The following CDH2 variants were observed in gnomAD, a reference collection of about 807,000 sequenced individuals.
CDH2 encodes the protein cadherin 2.
In CDH2, 17 loss-of-function variants were observed where a neutral mutation model predicts 92.0. That is an observed-to-expected ratio of 0.18 (90% confidence interval 0.13 to 0.28). The LOEUF is 0.28. Among genes scored for constraint, CDH2 ranks in the 10% least tolerant of loss-of-function variants. CDH2 has a pLI of 1.00. For synonymous variants in CDH2, 419 were observed against 415.9 expected (o/e 1.01, Z -0.09); for missense variants, 862 against 1,133.1 (o/e 0.76, Z 3.44).
chr18:28,034,633 TC>T (rs944326430), intron 2 of CDH2, among the ~76,000 whole-genome samples: 6 of 152,084 alleles, frequency 3.9e-5, no homozygotes, highest in Non-Finnish European at 7.4e-5. Context: ...TAGGTGTTTT[TC>T]TTTTGCTAAA....
At chr18:28,046,012 C>T (rs2014067834) in intron 2 of CDH2, among the ~76,000 whole-genome samples, 1 of 152,130 alleles carries the variant, frequency 6.6e-6, no homozygotes, top group Non-Finnish European at 1.5e-5. Flanking sequence ...ATTAAGAAAA[C>T]ACTCCATCAG....
At chr18:28,166,779 T>C (rs1405561313) in intron 1 of CDH2, among the ~76,000 whole-genome samples, 1 of 152,144 alleles carries the variant, frequency 6.6e-6, no homozygotes, top group African/African-American at 2.4e-5. Flanking sequence ...GGCAATTACC[T>C]ATGGAATTTG....
chr18:27,945,639 T>G (rs1000875009), intron 6 of CDH2, among the ~76,000 whole-genome samples: 1 of 152,152 alleles, frequency 6.6e-6, no homozygotes, highest in Non-Finnish European at 1.5e-5. Context: ...TGTCTCTTCT[T>G]TTTAATACCA....
intron 14 of CDH2, among the ~76,000 whole-genome samples, chr18:27,980,794 CAAAA>C (rs777659826): frequency 8.0e-5 from 6 of 75,012 alleles, no homozygotes; most frequent in Non-Finnish European, 1.5e-4. Context: ...TGGCTGGGGT[CAAAA>C]AAAAAAAAAA....
intron 2 of CDH2, among the ~76,000 whole-genome samples, chr18:28,110,319 T>G (rs1443387198): frequency 6.6e-6 from 1 of 152,206 alleles, no homozygotes; most frequent in Non-Finnish European, 1.5e-5. Context: ...ATAAATTATT[T>G]CTTGAGAATG....
chr18:28,157,041 C>T (rs1357848437), intron 1 of CDH2, among the ~76,000 whole-genome samples: 4 of 152,170 alleles, frequency 2.6e-5, no homozygotes, highest in Non-Finnish European at 5.9e-5. Context: ...CTTAATGTAA[C>T]AGGTAGTAAC....
In CDH2 at chr18:28,177,120, G is replaced by A. The variant is rs1027078058; in HGVS notation, c.-98C>T. 21 of 862,348 alleles carry A rather than the reference G, an allele frequency of 2.4e-5. No individual in the cohort carries two copies. The Admixed American group carries it at 3.5e-4, about 14-fold the overall frequency. 53.4% of individuals were successfully genotyped at this position (862,348 alleles called of 1,614,324 possible). A position where few individuals can be genotyped will look rare whatever the true frequency, so the allele number is the denominator to read the frequency against. ...GCAGCGGCAGCACCAACAGCGGCGC[G>A]GAGAAACGGCTCCAGGCAGTTTCCA... is the stretch of plus-strand genomic sequence containing the variant. On this transcript the variant is annotated 5_prime_UTR_variant, in exon 1 of 16. Coordinates refer to ENST00000269141, the MANE Select transcript of CDH2 (RefSeq NM_001792.5).
intron 2 of CDH2, among the ~76,000 whole-genome samples, chr18:28,042,299 A>G (rs1227133132): frequency 3.3e-5 from 5 of 152,206 alleles, no homozygotes; most frequent in Non-Finnish European, 7.3e-5. Flanking sequence ...TTACTTTAGT[A>G]GCATTCCAGT....
chr18:28,137,034 G>C (rs2015874663), intron 2 of CDH2, among the ~76,000 whole-genome samples: 1 of 151,584 alleles, frequency 6.6e-6, no homozygotes, highest in South Asian at 2.1e-4. Flanking sequence ...CAGAACACTA[G>C]AAAAAAAAGT....
chr18:28,103,728 A>C (rs28564564), intron 2 of CDH2, among the ~76,000 whole-genome samples: 1 of 151,394 alleles, frequency 6.6e-6, no homozygotes, highest in Admixed American at 6.6e-5. Flanking sequence ...TTCAATTCCC[A>C]CTTATGAGTG....
intron 2 of CDH2, among the ~76,000 whole-genome samples, chr18:28,064,113 T>G (rs2014458422): frequency 6.9e-6 from 1 of 144,702 alleles, no homozygotes; most frequent in South Asian, 2.3e-4. Flanking sequence ...GGAAATCTCT[T>G]AAAACTATGA....
rs571278276 is a variant in CDH2, at chr18:27,965,460, T to C, written c.2350-1939A>G. ...ATCAGCTTTAGCTCTGAACCATCTA[T>C]GGGCTGGCGACAAAGCGCCATTTTG... On this transcript the variant is annotated intron_variant, in intron 14 of 15. Transcript: ENST00000269141. Among the ~76,000 whole-genome samples the C allele has an allele frequency of 3.3e-5, 5 of 152,336 alleles. No homozygotes were observed. The South Asian group carries it at 1.0e-3, about 32-fold the overall frequency.
chr18:27,984,858 C>T (rs531624770), intron 13 of CDH2, 142 bp downstream of exon 13: 12 of 633,920 alleles, frequency 1.9e-5, no homozygotes, highest in South Asian at 1.4e-4. Flanking sequence ...TGGACTTGGT[C>T]GACCCATATA....
chr18:27,978,978 G>A (rs2011946266), intron 14 of CDH2, among the ~76,000 whole-genome samples: 1 of 151,298 alleles, frequency 6.6e-6, no homozygotes, highest in Non-Finnish European at 1.5e-5. Context: ...ATAGAAACAT[G>A]AGCACTAACC....
chr18:27,944,754 T>TAA (rs869217652), intron 6 of CDH2, among the ~76,000 whole-genome samples: 2,300 of 83,382 alleles, frequency 0.028, 40 homozygotes, highest in Non-Finnish European at 0.033. Flanking sequence ...ACTTCCTTTC[T>TAA]AAAAAAAAAA....
At chr18:28,166,270 C>G (rs2144362362) in intron 1 of CDH2, among the ~76,000 whole-genome samples, 1 of 150,006 alleles carries the variant, frequency 6.7e-6, no homozygotes, top group Non-Finnish European at 1.5e-5. Context: ...AAAAAGTAAC[C>G]TGTCTTTCCA....
At chr18:27,937,699 A>G (rs1412668415) in intron 6 of CDH2, among the ~76,000 whole-genome samples, 3 of 152,342 alleles carry the variant, frequency 2.0e-5, no homozygotes, top group Non-Finnish European at 4.4e-5. Context: ...TAAGTGAGCC[A>G]AGGATGTAGG....
At chr18:28,123,984 T>G (rs2015633978) in intron 2 of CDH2, among the ~76,000 whole-genome samples, 1 of 152,166 alleles carries the variant, frequency 6.6e-6, no homozygotes, top group African/African-American at 2.4e-5. Context: ...TTCTCAATTT[T>G]AAGAATGATG....
intron 5 of CDH2, among the ~76,000 whole-genome samples, chr18:28,008,701 C>T (rs752178609): frequency 7.3e-5 from 11 of 151,334 alleles, no homozygotes; most frequent in Non-Finnish European, 1.5e-4. Flanking sequence ...ATGTGACAAA[C>T]CTGCACGTTG....
Sources: allele counts gnomAD v4.1 joint callset (sites outside exome capture counted in the v4.1 genomes callset), GRCh38; gene constraint gnomAD v4.1.1; transcripts MANE v1.5; gene names NCBI Gene and HGNC (gene_info 2026-07-23, HGNC 2026-07-21).